The following NOPCHAP1 variants were observed in gnomAD, a reference collection of about 807,000 sequenced individuals.
The protein encoded by NOPCHAP1 is DNA damage-sensitive RNA 1.
Under a neutral mutation model 14.0 loss-of-function variants are expected in NOPCHAP1, and 13 were observed. That is an observed-to-expected ratio of 0.93 (90% CI 0.60 to 1.47). NOPCHAP1 has a LOEUF of 1.47. Ranked by LOEUF, NOPCHAP1 falls within the 40% of genes most tolerant of loss-of-function variation. NOPCHAP1 has a pLI of 0.00. For synonymous variants in NOPCHAP1, 78 were observed against 78.4 expected, an observed-to-expected ratio of 1.00 and a Z score of 0.03; for missense variants, 230 against 226.9, an observed-to-expected ratio of 1.01 and a Z score of -0.09.
chr12:104,993,389 G>A (rs1043725576), intron 3 of NOPCHAP1, among the ~76,000 whole-genome samples: 1 of 152,102 alleles, frequency 6.6e-6, no homozygotes, highest in African/African-American at 2.4e-5. Flanking sequence ...CAGGATTGGT[G>A]ATTTCAGGTG....
chr12:104,987,434 C>G (rs889855751), intron 1 of NOPCHAP1, among the ~76,000 whole-genome samples: 10 of 152,218 alleles, frequency 6.6e-5, no homozygotes, highest in African/African-American at 2.4e-4. Context: ...ACTCTGTGCT[C>G]TGATCACGAA....
At position 105,005,291 on chromosome 12, in the gene NOPCHAP1, A is replaced by G. The variant is rs1370687286; in HGVS notation, c.*10595A>G. The G allele has an allele frequency of 6.6e-6, 1 of 152,262 alleles. No individual in the cohort carries two copies. The allele number at this position is 152,262 out of a possible 1,614,324, so 9.4% of individuals were successfully genotyped here. A position where few individuals can be genotyped will look rare whatever the true frequency, so the allele number is the denominator to read the frequency against. ...GTTGAAATGAAAGTACACTTCACAG[A>G]GTGGGAGCAGGCTCAAGCAAGTGGC... is the stretch of plus-strand genomic sequence containing the variant. On this transcript the variant is annotated 3_prime_UTR_variant, in exon 4 of 4. Coordinates refer to ENST00000552951, the MANE Select transcript of NOPCHAP1 (RefSeq NM_152318.3).
rs1158723229 is a variant in NOPCHAP1, at chr12:105,011,841, G to A, written c.*17145G>A. 2 of 152,330 alleles carry A rather than the reference G, an allele frequency of 1.3e-5. No homozygotes were observed. The highest frequency in any genetic ancestry group is 2.1e-4 in the South Asian group (1 of 4,824). 9.4% of individuals were successfully genotyped at this position (152,330 alleles called of 1,614,324 possible). A position where few individuals can be genotyped will look rare whatever the true frequency, so the allele number is the denominator to read the frequency against. On this transcript the variant is annotated 3_prime_UTR_variant, in exon 4 of 4. Transcript: ENST00000552951. ...CCCCCACTCTCTTCTGGCTTGTAGG[G>A]TTTCTTCAGAGAGATCCACTGTTAG...
intron 1 of NOPCHAP1, 58 bp downstream of exon 1, chr12:104,986,525 G>C (rs1319523783): frequency 4.2e-6 from 6 of 1,420,692 alleles, no homozygotes; most frequent in Non-Finnish European, 5.7e-6. Flanking sequence ...AGGCGCGGCC[G>C]GTGCAGTTTG....
intron 3 of NOPCHAP1, among the ~76,000 whole-genome samples, 181 bp downstream of exon 3, chr12:104,992,029 A>G (rs536344229): frequency 1.1e-3 from 163 of 152,276 alleles, no homozygotes; most frequent in African/African-American, 3.7e-3. Context: ...TGTCACAGGA[A>G]GGTTTTTTTT....
At position 105,008,889 on chromosome 12, in the gene NOPCHAP1, TGTA is replaced by T. The variant is rs1312523808; in HGVS notation, c.*14197_*14199del. Reference sequence around the variant, plus strand: ...TGTGCTGTTTTGGTTACTATAGCCTTGTAGTATAGTTTGAAGTCAGGTAGCGTG... The same window carrying T: ...TGTGCTGTTTTGGTTACTATAGCCTTGTATAGTTTGAAGTCAGGTAGCGTG... On this transcript the variant is annotated 3_prime_UTR_variant, in exon 4 of 4. Coordinates refer to ENST00000552951, the MANE Select transcript of NOPCHAP1 (RefSeq NM_152318.3). 6.6e-6 allele frequency: 1 copy of T among 152,216 alleles called. No individual in the cohort carries two copies. Among genetic ancestry groups the T allele is most frequent in the Non-Finnish European group, 1.5e-5 (1 of 68,030 alleles). 9.4% of individuals were successfully genotyped at this position (152,216 alleles called of 1,614,324 possible). A position where few individuals can be genotyped will look rare whatever the true frequency, so the allele number is the denominator to read the frequency against.
In NOPCHAP1 at chr12:104,996,584, G is replaced by A. The variant is rs1219281425; in HGVS notation, c.*1888G>A. 2.6e-5 allele frequency: 4 copies of A among 152,182 alleles called. No homozygotes were observed. Among genetic ancestry groups the A allele is most frequent in the South Asian group, 2.1e-4 (1 of 4,822 alleles). 9.4% of individuals were successfully genotyped at this position (152,182 alleles called of 1,614,324 possible). A position where few individuals can be genotyped will look rare whatever the true frequency, so the allele number is the denominator to read the frequency against. Reference sequence around the variant, plus strand: ...TTCTTTGCATCCATGTGTACTCAACGTTTAGCTCCCACTAATAAGTGAGAA... The same window carrying A: ...TTCTTTGCATCCATGTGTACTCAACATTTAGCTCCCACTAATAAGTGAGAA... On this transcript the variant is annotated 3_prime_UTR_variant, in exon 4 of 4. Transcript: ENST00000552951.
chr12:105,006,115 G>C lies in NOPCHAP1; in HGVS notation c.*11419G>C, dbSNP rs1873704055. On this transcript the variant is annotated 3_prime_UTR_variant, in exon 4 of 4. Coordinates refer to ENST00000552951, the MANE Select transcript of NOPCHAP1 (RefSeq NM_152318.3). ...TTGCCACATTCACAATCTCTTTCATGATTTCCTTGATTGGCTCTGTCGTAA... is the reference window on the plus strand; with the variant it reads ...TTGCCACATTCACAATCTCTTTCATCATTTCCTTGATTGGCTCTGTCGTAA... The C allele has an allele frequency of 6.6e-6, 1 of 152,128 alleles. No homozygotes were observed. The highest frequency in any genetic ancestry group is 6.5e-5 in the Admixed American group (1 of 15,274). 9.4% of individuals were successfully genotyped at this position (152,128 alleles called of 1,614,324 possible).
rs1483580675 is a variant in NOPCHAP1 at position 104,995,926 on chromosome 12, G to T, written c.*1230G>T. The T allele has an allele frequency of 6.6e-6, 1 of 151,516 alleles. No individual in the cohort carries two copies. The highest frequency in any genetic ancestry group is 1.9e-4 in the East Asian group (1 of 5,184). The allele number at this position is 151,516 out of a possible 1,614,324, so 9.4% of individuals were successfully genotyped here. A position where few individuals can be genotyped will look rare whatever the true frequency, so the allele number is the denominator to read the frequency against. ...GATGGTCTCAATCTCCTGACCTCGT[G>T]TTCCACCCTTCTTGACCTGCCAAAG... On this transcript the variant is annotated 3_prime_UTR_variant, in exon 4 of 4. Transcript: ENST00000552951.
rs945868257 is a variant in NOPCHAP1 at position 105,008,159 on chromosome 12, C to A, written c.*13463C>A. The A allele has an allele frequency of 6.6e-6, 1 of 152,192 alleles. No individual in the cohort carries two copies. The highest frequency in any genetic ancestry group is 2.4e-5 in the African/African-American group (1 of 41,454). 9.4% of individuals were successfully genotyped at this position (152,192 alleles called of 1,614,324 possible). On this transcript the variant is annotated 3_prime_UTR_variant, in exon 4 of 4. Transcript: ENST00000552951. ...TGTTTCTCCACATCCCCTCCAGCAT[C>A]TGTTGTTTCCTGACTTTTTAATGAT... is the stretch of plus-strand genomic sequence containing the variant.
rs1019602389 is a variant in NOPCHAP1 at position 105,001,498 on chromosome 12, G to T, written c.*6802G>T. 1 of 152,238 alleles carries T rather than the reference G, an allele frequency of 6.6e-6. No homozygotes were observed. The highest frequency in any genetic ancestry group is 2.1e-4 in the South Asian group (1 of 4,812). 9.4% of individuals were successfully genotyped at this position (152,238 alleles called of 1,614,324 possible). The stretch of plus-strand genomic sequence containing the variant: ...TCCCACCAATATTTTTTCAATTTCT[G>T]CCTTTAGAGAGCATAACAGTTCTGG... On this transcript the variant is annotated 3_prime_UTR_variant, in exon 4 of 4. Coordinates refer to ENST00000552951, the MANE Select transcript of NOPCHAP1 (RefSeq NM_152318.3).
rs1319537255 is a variant in NOPCHAP1 at position 105,010,700 on chromosome 12, AATTT to A, written c.*16013_*16016del. The A allele has an allele frequency of 6.6e-6, 1 of 152,106 alleles. No individual in the cohort carries two copies. Among genetic ancestry groups the A allele is most frequent in the African/African-American group, 2.4e-5 (1 of 41,394 alleles). 9.4% of individuals were successfully genotyped at this position (152,106 alleles called of 1,614,324 possible). On this transcript the variant is annotated 3_prime_UTR_variant, in exon 4 of 4. Coordinates refer to ENST00000552951, the MANE Select transcript of NOPCHAP1 (RefSeq NM_152318.3). ...GTCTTTGTTCTCATTGGTTTCAAATAATTTATTTATTTCTGCCTAAACTTCGTTA... is the reference window on the plus strand; with the variant it reads ...GTCTTTGTTCTCATTGGTTTCAAATAATTTATTTCTGCCTAAACTTCGTTA...
rs573329592 is a variant in NOPCHAP1, at chr12:105,016,230, A to G, written c.*21534A>G. Reference sequence around the variant, plus strand: ...AAAAGACTATAGGAAATGAAGAAGTAATTCACAGAAAAAGGGTCAACTCCA... The same window carrying G: ...AAAAGACTATAGGAAATGAAGAAGTGATTCACAGAAAAAGGGTCAACTCCA... On this transcript the variant is annotated 3_prime_UTR_variant, in exon 4 of 4. Coordinates refer to ENST00000552951, the MANE Select transcript of NOPCHAP1 (RefSeq NM_152318.3). The G allele has an allele frequency of 6.6e-6, 1 of 152,228 alleles. No homozygotes were observed. Among genetic ancestry groups the G allele is most frequent in the Non-Finnish European group, 1.5e-5 (1 of 68,042 alleles). The allele number at this position is 152,228 out of a possible 1,614,324, so 9.4% of individuals were successfully genotyped here. A position where few individuals can be genotyped will look rare whatever the true frequency, so the allele number is the denominator to read the frequency against.
rs1389783340 is a variant in NOPCHAP1 at position 105,007,037 on chromosome 12, T to C, written c.*12341T>C. 1 of 152,024 alleles carries C rather than the reference T, an allele frequency of 6.6e-6. No individual in the cohort carries two copies. The highest frequency in any genetic ancestry group is 1.5e-5 in the Non-Finnish European group (1 of 68,008). The allele number at this position is 152,024 out of a possible 1,614,324, so 9.4% of individuals were successfully genotyped here. ...CTTCTATTATCTTGACTTTTTTTTT[T>C]TTTTTAAGTCAAACCTCTAAAATTA... is the stretch of plus-strand genomic sequence containing the variant. On this transcript the variant is annotated 3_prime_UTR_variant, in exon 4 of 4. Coordinates refer to ENST00000552951, the MANE Select transcript of NOPCHAP1 (RefSeq NM_152318.3).
At position 104,995,282 on chromosome 12, in the gene NOPCHAP1, GCTC is replaced by G. The variant is rs1379546232; in HGVS notation, c.*592_*594del. 5.2e-5 allele frequency: 8 copies of G among 152,822 alleles called. No homozygotes were observed. The highest frequency in any genetic ancestry group is 8.7e-5 in the Non-Finnish European group (6 of 68,600). The allele number at this position is 152,822 out of a possible 1,614,324, so 9.5% of individuals were successfully genotyped here. On this transcript the variant is annotated 3_prime_UTR_variant, in exon 4 of 4. Transcript: ENST00000552951. ...TGGGATGCCTGCAAACTAACCATTA[GCTC>G]CTCCTGCAAACATCATGTGTTCTGT...
Position 105,010,398 on chromosome 12 carries a change from C to A in NOPCHAP1, c.*15702C>A, listed in dbSNP as rs1873795099. 6.6e-6 allele frequency: 1 copy of A among 152,070 alleles called. No homozygotes were observed. The highest frequency in any genetic ancestry group is 1.5e-5 in the Non-Finnish European group (1 of 68,020). The allele number at this position is 152,070 out of a possible 1,614,324, so 9.4% of individuals were successfully genotyped here. A position where few individuals can be genotyped will look rare whatever the true frequency, so the allele number is the denominator to read the frequency against. On this transcript the variant is annotated 3_prime_UTR_variant, in exon 4 of 4. Transcript: ENST00000552951. ...TTTATTAATTGGGCTTGTGGTCTATCTATTTTGTTAATCTTCTCAAAAAAC... is the reference window on the plus strand; with the variant it reads ...TTTATTAATTGGGCTTGTGGTCTATATATTTTGTTAATCTTCTCAAAAAAC...
Position 105,010,631 on chromosome 12 carries a change from C to G in NOPCHAP1, c.*15935C>G, listed in dbSNP as rs1565942428. 2 of 152,166 alleles carry G rather than the reference C, an allele frequency of 1.3e-5. No individual in the cohort carries two copies. The highest frequency in any genetic ancestry group is 4.8e-5 in the African/African-American group (2 of 41,442). 9.4% of individuals were successfully genotyped at this position (152,166 alleles called of 1,614,324 possible). A position where few individuals can be genotyped will look rare whatever the true frequency, so the allele number is the denominator to read the frequency against. ...GGCATTTAGTGCTATAAATTTCCCT[C>G]TAAACACTGCTTTAGCTGTGTCCCA... On this transcript the variant is annotated 3_prime_UTR_variant, in exon 4 of 4. Transcript: ENST00000552951.
Position 105,005,504 on chromosome 12 carries a change from G to T in NOPCHAP1, c.*10808G>T, listed in dbSNP as rs1412731984. 6.6e-6 allele frequency: 1 copy of T among 152,230 alleles called. No individual in the cohort carries two copies. The highest frequency in any genetic ancestry group is 1.5e-5 in the Non-Finnish European group (1 of 68,054). The allele number at this position is 152,230 out of a possible 1,614,324, so 9.4% of individuals were successfully genotyped here. On this transcript the variant is annotated 3_prime_UTR_variant, in exon 4 of 4. Coordinates refer to ENST00000552951, the MANE Select transcript of NOPCHAP1 (RefSeq NM_152318.3). ...ACCCTATGCAAACATCTGATTGGTTGTGGAAGGTGAAGTGAAGTTACAAAG... is the reference window on the plus strand; with the variant it reads ...ACCCTATGCAAACATCTGATTGGTTTTGGAAGGTGAAGTGAAGTTACAAAG...
At position 104,991,807 on chromosome 12, in the gene NOPCHAP1, A is replaced by G; in HGVS notation, c.298A>G (p.Ile100Val). Reference sequence around the variant, plus strand: ...AGCTGCACCACCTGGTCGTTTCAATATTGAAAACATTGATGGGCCTCATAG... The same window carrying G: ...AGCTGCACCACCTGGTCGTTTCAATGTTGAAAACATTGATGGGCCTCATAG... Reference protein sequence around the residue: ...MAAAPPGRFNIENIDGPHSKV... With the variant: ...MAAAPPGRFNVENIDGPHSKV... Residue 100 changes from isoleucine (I) to valine (V), a missense_variant, in exon 3 of 4, where the codon ATT becomes GTT. Physicochemically the swap from Ile to Val is conservative, Grantham distance 29. Transcript: ENST00000552951. 1.2e-6 allele frequency: 2 copies of G among 1,612,604 alleles called. No individual in the cohort carries two copies. Among genetic ancestry groups the G allele is most frequent in the Non-Finnish European group, 1.7e-6 (2 of 1,179,646 alleles).
Sources: gnomAD v4.1 joint callset for allele counts (sites outside exome capture counted in the v4.1 genomes callset) on GRCh38, gnomAD v4.1.1 for gene constraint, MANE v1.5 for transcripts, NCBI Gene and HGNC (gene_info 2026-07-23, HGNC 2026-07-21) for gene names.